ZNF100: variants seen among roughly 807,000 people sequenced by gnomAD.
The protein encoded by ZNF100 is zinc finger protein 100 (Y1).
In ZNF100, 12 loss-of-function variants were observed where a neutral mutation model predicts 15.8. The ratio of observed to expected loss-of-function variants is 0.76; its 90% CI spans 0.49 to 1.23. The LOEUF (loss-of-function observed/expected upper bound fraction) is 1.23. ZNF100 is among the 50% of genes most tolerant of loss of function. ZNF100 has a pLI of 0.00. For synonymous variants in ZNF100, 226 were observed against 214.8 expected, an observed-to-expected ratio of 1.05 and a Z score of -0.45; for missense variants, 670 against 635.6, an observed-to-expected ratio of 1.05 and a Z score of -0.58.
intron 2 of ZNF100, among the ~76,000 whole-genome samples, chr19:21,747,065 T>C (rs937620859): frequency 2.0e-5 from 3 of 152,078 alleles, no homozygotes; most frequent in Non-Finnish European, 4.4e-5. Flanking sequence ...GATGTAAAAA[T>C]GTAAGTTTCT....
chr19:21,728,799 A>G (rs964520320), intron 4 of ZNF100, among the ~76,000 whole-genome samples: 1 of 152,024 alleles, frequency 6.6e-6, no homozygotes, highest in Non-Finnish European at 1.5e-5. Flanking sequence ...AGAAACTATA[A>G]AAAAGATGTA....
intron 2 of ZNF100, chr19:21,751,026 C>A (rs1820355004): frequency 3.8e-6 from 5 of 1,304,288 alleles, no homozygotes; most frequent in Non-Finnish European, 4.4e-6. Flanking sequence ...GCGAGGGCCA[C>A]CACCTGCAGC....
Position 21,726,561 on chromosome 19 carries a change from T to C in ZNF100, c.*122A>G. On this transcript the variant is annotated 3_prime_UTR_variant, in exon 5 of 5. Coordinates refer to ENST00000358296, the MANE Select transcript of ZNF100 (RefSeq NM_173531.4). Reference sequence around the variant, plus strand: ...CTAGTATGAATTATCTTATGTCTGTTAGGAATTGAGAATTTATTAAAGGCT... The same window carrying C: ...CTAGTATGAATTATCTTATGTCTGTCAGGAATTGAGAATTTATTAAAGGCT... 1 of 887,148 alleles carries C rather than the reference T, an allele frequency of 1.1e-6. No individual in the cohort carries two copies. Among genetic ancestry groups the C allele is most frequent in the Non-Finnish European group, 1.7e-6 (1 of 592,176 alleles). The allele number at this position is 887,148 out of a possible 1,614,324, so 55.0% of individuals were successfully genotyped here.
intron 2 of ZNF100, among the ~76,000 whole-genome samples, chr19:21,754,389 A>T (rs572951910): frequency 6.6e-6 from 1 of 152,232 alleles, no homozygotes; most frequent in Non-Finnish European, 1.5e-5. Context: ...AATTAAAAAC[A>T]TATCATTATT....
chr19:21,750,694 CG>C, intron 2 of ZNF100: 1 of 234,552 alleles, frequency 4.3e-6, no homozygotes, highest in Non-Finnish European at 7.8e-6. Context: ...GGGCGGGTCG[CG>C]GGGTGGGCGG....
At chr19:21,730,868 G>A (rs550176956) in intron 4 of ZNF100, among the ~76,000 whole-genome samples, 78 of 151,970 alleles carry the variant, frequency 5.1e-4, no homozygotes, top group African/African-American at 1.7e-3. Context: ...CAAATATATG[G>A]AAATTAACAC....
intron 2 of ZNF100, among the ~76,000 whole-genome samples, chr19:21,748,213 T>C (rs2036244364): frequency 6.6e-6 from 1 of 152,200 alleles, no homozygotes; most frequent in Non-Finnish European, 1.5e-5. Context: ...TATCTGCTTT[T>C]GGGTTGCAGG....
intron 3 of ZNF100, among the ~76,000 whole-genome samples, chr19:21,744,418 G>A (rs1599391053): frequency 6.6e-6 from 1 of 152,120 alleles, no homozygotes; most frequent in East Asian, 1.9e-4. Context: ...TATTGTCCAG[G>A]CTGGAGTGAA....
chr19:21,737,058 G>A (rs1419164059), intron 4 of ZNF100, among the ~76,000 whole-genome samples: 1 of 149,768 alleles, frequency 6.7e-6, no homozygotes, highest in Non-Finnish European at 1.5e-5. Flanking sequence ...TGGAACCATA[G>A]GAGATAGAGA....
chr19:21,742,302 CA>C (rs35299156), intron 4 of ZNF100, among the ~76,000 whole-genome samples: 10,614 of 65,622 alleles, frequency 0.16, 534 homozygotes, highest in South Asian at 0.27. Flanking sequence ...GTCCCCCACC[CA>C]AAAAAAAAAA....
At chr19:21,751,072 T>C in intron 2 of ZNF100, 1 of 1,433,634 alleles carries the variant, frequency 7.0e-7, no homozygotes, top group Non-Finnish European at 9.8e-7. Flanking sequence ...AGATTTAGCT[T>C]TGGAGTCAAA....
In ZNF100 at chr19:21,726,743, G is replaced by C; in HGVS notation, c.1569C>G (p.Asn523Lys). 1 of 1,612,072 alleles carries C rather than the reference G, an allele frequency of 6.2e-7. No homozygotes were observed. Among genetic ancestry groups the C allele is most frequent in the South Asian group, 1.1e-5 (1 of 90,940 alleles). Residue 523 changes from asparagine (N) to lysine (K), a missense_variant, in exon 5 of 5, where the codon AAC (asparagine) becomes AAG (lysine). Transcript: ENST00000358296. ...YKWEECGKDF[N>K]QSLSLIKQNN... ...TTTGTTTAATAAGGCTTAGGGACTG[G>C]TTAAAGTCTTTACCACATTCTTCCC...
chr19:21,726,621 C>T lies in ZNF100; in HGVS notation c.*62G>A. On this transcript the variant is annotated 3_prime_UTR_variant, in exon 5 of 5. Transcript: ENST00000358296. ...TCTTCACAGTCACAGGAGTTCCCTC[C>T]AGTATGAATTTTTTTATGTTTAGTA... is the stretch of plus-strand genomic sequence containing the variant. 3 of 1,440,772 alleles carry T rather than the reference C, an allele frequency of 2.1e-6. No individual in the cohort carries two copies. The highest frequency in any genetic ancestry group is 2.7e-5 in the South Asian group (2 of 74,118). The allele number at this position is 1,440,772 out of a possible 1,614,324, so 89.2% of individuals were successfully genotyped here.
intron 4 of ZNF100, among the ~76,000 whole-genome samples, chr19:21,739,738 G>A (rs1340454204): frequency 2.0e-5 from 3 of 152,192 alleles, no homozygotes; most frequent in Non-Finnish European, 4.4e-5. Flanking sequence ...ATTTTGGGAG[G>A]CTGAGGCAAG....
Position 21,727,636 on chromosome 19 carries a change from A to C in ZNF100, c.676T>G (p.Phe226Val), listed in dbSNP as rs761377722. ...MLLHLTQHKR[F>V]HITENSYQCK... ...TGGTAGGAATTCTCTGTAATATGAA[A>C]TCTTTTATGTTGAGTTAGGTGTAAA... The change falls in exon 5 of 5, where the codon TTT (phenylalanine) becomes GTT (valine). Residue 226 changes from phenylalanine to valine, a missense_variant. Coordinates refer to ENST00000358296, the MANE Select transcript of ZNF100 (RefSeq NM_173531.4). The C allele has an allele frequency of 6.2e-7, 1 of 1,611,794 alleles. No homozygotes were observed. The highest frequency in any genetic ancestry group is 8.5e-7 in the Non-Finnish European group (1 of 1,179,246).
chr19:21,732,733 A>C (rs1395392830), intron 4 of ZNF100, among the ~76,000 whole-genome samples: 1 of 151,872 alleles, frequency 6.6e-6, no homozygotes, highest in East Asian at 1.9e-4. Context: ...AATGAATCTT[A>C]GAAGAATATA....
rs2036588115 is a variant in ZNF100, at chr19:21,767,573, C to G, written c.-144G>C. On this transcript the variant is annotated 5_prime_UTR_variant, in exon 1 of 5. Transcript: ENST00000358296. ...CTGGAGCTCCGGCTACAGCGAGAGA[C>G]AAAGACCCCGCCAAACCCGGAAGCC... The G allele has an allele frequency of 7.5e-7, 1 of 1,340,682 alleles. No individual in the cohort carries two copies. The highest frequency in any genetic ancestry group is 1.0e-6 in the Non-Finnish European group (1 of 975,616). The allele number at this position is 1,340,682 out of a possible 1,614,324, so 83.0% of individuals were successfully genotyped here. A position where few individuals can be genotyped will look rare whatever the true frequency, so the allele number is the denominator to read the frequency against.
chr19:21,739,493 T>A (rs1248918311), intron 4 of ZNF100, among the ~76,000 whole-genome samples: 1 of 151,946 alleles, frequency 6.6e-6, no homozygotes, highest in Non-Finnish European at 1.5e-5. Context: ...CAGGCTGAGG[T>A]TGCAGTGAGC....
intron 4 of ZNF100, among the ~76,000 whole-genome samples, chr19:21,738,943 T>A (rs537289524): frequency 6.6e-5 from 10 of 151,878 alleles, no homozygotes; most frequent in African/African-American, 2.4e-4. Context: ...AAACTCCATC[T>A]CAAAAAAATA....
Sources: allele counts gnomAD v4.1 joint callset (sites outside exome capture counted in the v4.1 genomes callset), GRCh38; gene constraint gnomAD v4.1.1; transcripts MANE v1.5; gene names NCBI Gene and HGNC (gene_info 2026-07-23, HGNC 2026-07-21).